The following HS6ST3 variants were observed in gnomAD, a reference collection of about 807,000 sequenced individuals.
HS6ST3 encodes heparan-sulfate 6-O-sulfotransferase 3.
A neutral mutation model predicts 36.7 loss-of-function variants in HS6ST3; 12 were observed. That is an observed-to-expected ratio of 0.33 (90% CI 0.21 to 0.53). The LOEUF (loss-of-function observed/expected upper bound fraction) is 0.53. Among genes scored for constraint, HS6ST3 ranks in the 20% least tolerant of loss-of-function variants. HS6ST3 has a pLI of 0.95. For synonymous variants in HS6ST3, 240 were observed against 257.5 expected (o/e 0.93, Z 0.65); for missense variants, 584 against 640.9 (o/e 0.91, Z 0.96).
chr13:96,591,686 A>G (rs1194928256), intron 1 of HS6ST3, among the ~76,000 whole-genome samples: 2 of 152,042 alleles, frequency 1.3e-5, no homozygotes, highest in Non-Finnish European at 2.9e-5. Flanking sequence ...GATGCCCTTT[A>G]TATCTTTCTC....
intron 1 of HS6ST3, among the ~76,000 whole-genome samples, chr13:96,421,414 A>T (rs975586764): frequency 6.6e-6 from 1 of 152,206 alleles, no homozygotes; most frequent in Non-Finnish European, 1.5e-5. Context: ...CTGAAGTTAC[A>T]TTGCAAATCT....
chr13:96,443,720 AGT>A (rs2055685132), intron 1 of HS6ST3, among the ~76,000 whole-genome samples: 1 of 152,194 alleles, frequency 6.6e-6, no homozygotes, highest in South Asian at 2.1e-4. Flanking sequence ...CATGTAGAAG[AGT>A]GTCTGAACCT....
intron 1 of HS6ST3, among the ~76,000 whole-genome samples, chr13:96,467,934 A>G (rs1053034476): frequency 1.3e-5 from 2 of 152,182 alleles, no homozygotes; most frequent in African/African-American, 4.8e-5. Context: ...GGATTGGTGC[A>G]AGAGCTAGGT....
chr13:96,824,095 C>T (rs376571474), intron 1 of HS6ST3, among the ~76,000 whole-genome samples: 22 of 152,358 alleles, frequency 1.4e-4, no homozygotes, highest in African/African-American at 5.3e-4. Context: ...AGCCTCTCCC[C>T]TCTTGAGGGA....
At chr13:96,301,938 A>ATAG (rs2054885044) in intron 1 of HS6ST3, among the ~76,000 whole-genome samples, 1 of 147,802 alleles carries the variant, frequency 6.8e-6, no homozygotes, top group Admixed American at 6.8e-5. Flanking sequence ...AATAATAATA[A>ATAG]TAATAATTTC....
chr13:96,263,443 C>T (rs1373416430), intron 1 of HS6ST3, among the ~76,000 whole-genome samples: 2 of 152,000 alleles, frequency 1.3e-5, no homozygotes, highest in Non-Finnish European at 2.9e-5. Context: ...TGAGCACCCA[C>T]ATTAATATAA....
At chr13:96,811,293 T>A (rs1878312225) in intron 1 of HS6ST3, among the ~76,000 whole-genome samples, 1 of 152,098 alleles carries the variant, frequency 6.6e-6, no homozygotes, top group African/African-American at 2.4e-5. Context: ...GAAGAAATGG[T>A]CCTATTTTTA....
chr13:96,576,599 G>A (rs1402692911), intron 1 of HS6ST3, among the ~76,000 whole-genome samples: 1 of 152,076 alleles, frequency 6.6e-6, no homozygotes, highest in Non-Finnish European at 1.5e-5. Context: ...AGTGATATTG[G>A]CCACGCAAGA....
intron 1 of HS6ST3, among the ~76,000 whole-genome samples, chr13:96,415,666 T>C (rs186753865): frequency 3.3e-5 from 5 of 152,318 alleles, no homozygotes; most frequent in African/African-American, 1.2e-4. Flanking sequence ...TCTGTGGATC[T>C]TGCAAGAGAA....
intron 1 of HS6ST3, among the ~76,000 whole-genome samples, chr13:96,231,532 C>G (rs1354829884): frequency 1.3e-5 from 2 of 151,980 alleles, no homozygotes; most frequent in African/African-American, 4.8e-5. Flanking sequence ...GGAGGTGCTA[C>G]ACCCATTTAA....
intron 1 of HS6ST3, among the ~76,000 whole-genome samples, chr13:96,829,508 T>G (rs192373322): frequency 2.6e-5 from 4 of 152,170 alleles, no homozygotes; most frequent in Non-Finnish European, 5.9e-5. Context: ...TAGGCCCCAG[T>G]GTCTGTTGTT....
At chr13:96,713,101 T>C (rs1160101730) in intron 1 of HS6ST3, among the ~76,000 whole-genome samples, 1 of 152,228 alleles carries the variant, frequency 6.6e-6, no homozygotes, top group Non-Finnish European at 1.5e-5. Flanking sequence ...TAAATTTTCT[T>C]GGCCTTTTTT....
chr13:96,137,008 A>G lies in HS6ST3; in HGVS notation c.707+45439A>G, dbSNP rs565763246. 3.1e-4 allele frequency among the ~76,000 whole-genome samples: 47 copies of G among 152,142 alleles called. 1 individual carries two copies. In the East Asian group the frequency reaches 8.7e-3, roughly 28 times the overall value. ...TAAACCCTTAGCTTTCTAGAGACTTATTTTATCCCAGTTTTCCTTAATGAA... is the reference window on the plus strand; with the variant it reads ...TAAACCCTTAGCTTTCTAGAGACTTGTTTTATCCCAGTTTTCCTTAATGAA... On this transcript the variant is annotated intron_variant, in intron 1 of 1. Transcript: ENST00000376705.
intron 1 of HS6ST3, among the ~76,000 whole-genome samples, chr13:96,529,151 G>A (rs2056126006): frequency 6.6e-6 from 1 of 152,116 alleles, no homozygotes. Flanking sequence ...AATTTAAGGA[G>A]TCCTTGAAGC....
intron 1 of HS6ST3, among the ~76,000 whole-genome samples, chr13:96,180,634 A>C (rs1451152184): frequency 6.6e-6 from 1 of 152,228 alleles, no homozygotes; most frequent in Non-Finnish European, 1.5e-5. Context: ...AGAATGATTG[A>C]GTACTTATAT....
chr13:96,673,173 C>T (rs1210826032), intron 1 of HS6ST3, among the ~76,000 whole-genome samples: 6 of 152,138 alleles, frequency 3.9e-5, no homozygotes, highest in African/African-American at 1.4e-4. Flanking sequence ...ACCTTCACAT[C>T]ACTTTCTCCT....
chr13:96,558,011 G>A (rs1225348502), intron 1 of HS6ST3, among the ~76,000 whole-genome samples: 1 of 152,124 alleles, frequency 6.6e-6, no homozygotes, highest in Non-Finnish European at 1.5e-5. Context: ...TTTGCTTTGG[G>A]CTGTCCAATT....
At chr13:96,815,460 C>T (rs777217506) in intron 1 of HS6ST3, among the ~76,000 whole-genome samples, 3 of 151,958 alleles carry the variant, frequency 2.0e-5, no homozygotes, top group Non-Finnish European at 4.4e-5. Flanking sequence ...ATCTTTTTTT[C>T]GGAACGGACA....
At chr13:96,531,236 A>G (rs979783421) in intron 1 of HS6ST3, among the ~76,000 whole-genome samples, 1 of 152,204 alleles carries the variant, frequency 6.6e-6, no homozygotes, top group African/African-American at 2.4e-5. Flanking sequence ...ATTTTGCCCC[A>G]TAGCCAGGCT....
Sources: allele counts gnomAD v4.1 joint callset (sites outside exome capture counted in the v4.1 genomes callset), GRCh38; gene constraint gnomAD v4.1.1; transcripts MANE v1.5; gene names NCBI Gene and HGNC (gene_info 2026-07-23, HGNC 2026-07-21).